Variants in MPPED1 observed in about 807,000 individuals in gnomAD.
MPPED1 encodes metallophosphoesterase domain containing 1, also known as metallophosphoesterase domain-containing protein 1.
Under a neutral mutation model 36.2 loss-of-function variants are expected in MPPED1, and 16 were observed. The ratio of observed to expected loss-of-function variants is 0.44; its 90% CI spans 0.30 to 0.67. The LOEUF (loss-of-function observed/expected upper bound fraction) is 0.67. MPPED1 is among the 30% of genes least tolerant of loss of function. The probability of loss-of-function intolerance (pLI) is 0.10; values close to 1 mark genes in which losing one functional copy is unlikely to be tolerated. For synonymous variants in MPPED1, 199 were observed against 191.3 expected (o/e 1.04, Z -0.33); for missense variants, 307 against 453.4 (o/e 0.68, Z 2.93).
intron 4 of MPPED1, 78 bp downstream of exon 4, chr22:43,475,039 G>C (rs1931500814): frequency 7.4e-7 from 1 of 1,345,320 alleles, no homozygotes; most frequent in Admixed American, 1.8e-5. Context: ...TAGGGGATGG[G>C]AGTAGCAGCA....
chr22:43,500,203 TGGAGGTGGTGGG>T (rs1932645669), intron 5 of MPPED1, among the ~76,000 whole-genome samples: 1 of 57,136 alleles, frequency 1.8e-5, no homozygotes. Flanking sequence ...GAGGTGGTAA[TGGAGGTGGTGGG>T]GGTGATGGTG....
At chr22:43,467,704 CT>C (rs1350887150) in intron 3 of MPPED1, among the ~76,000 whole-genome samples, 2 of 152,224 alleles carry the variant, frequency 1.3e-5, no homozygotes, top group African/African-American at 4.8e-5. Flanking sequence ...GTTATGCCGT[CT>C]CTTTATTCCA....
In MPPED1 at chr22:43,435,226, C is replaced by T. The variant is rs1419048289; in HGVS notation, c.406+11C>T. 1 of 1,601,272 alleles carries T rather than the reference C, an allele frequency of 6.2e-7. No individual in the cohort carries two copies. The highest frequency in any genetic ancestry group is 1.1e-5 in the South Asian group (1 of 90,876). ...TCAACGAGTGGCTGGGTAGGTCCCT[C>T]CTGCCCCGGGCGGGCGGCTGTGCTG... is the stretch of plus-strand genomic sequence containing the variant. On this transcript the variant is annotated intron_variant, in intron 3 of 6. Coordinates refer to ENST00000443721, the MANE Select transcript of MPPED1 (RefSeq NM_001044370.2).
chr22:43,440,705 T>G (rs139501464), intron 3 of MPPED1, among the ~76,000 whole-genome samples: 1 of 152,052 alleles, frequency 6.6e-6, no homozygotes, highest in Non-Finnish European at 1.5e-5. Context: ...CAGCCCTCAC[T>G]GCACCCTCCA....
At chr22:43,454,617 C>T (rs1930690192) in intron 3 of MPPED1, among the ~76,000 whole-genome samples, 1 of 152,164 alleles carries the variant, frequency 6.6e-6, no homozygotes, top group Non-Finnish European at 1.5e-5. Flanking sequence ...AGGGCTCTAT[C>T]ATGGTTCACT....
chr22:43,482,148 T>C (rs576876555), intron 4 of MPPED1, among the ~76,000 whole-genome samples: 1 of 152,252 alleles, frequency 6.6e-6, no homozygotes, highest in African/African-American at 2.4e-5. Flanking sequence ...CCCGTATACA[T>C]ACCGTATTCA....
At chr22:43,475,546 GA>G (rs1931527704) in intron 4 of MPPED1, among the ~76,000 whole-genome samples, 1 of 4,284 alleles carries the variant, frequency 2.3e-4, no homozygotes, top group African/African-American at 8.4e-4. Flanking sequence ...GTGGTGATGT[GA>G]TGGTGATGGT....
At chr22:43,436,562 G>A (rs1057170163) in intron 3 of MPPED1, among the ~76,000 whole-genome samples, 5 of 152,270 alleles carry the variant, frequency 3.3e-5, no homozygotes, top group African/African-American at 9.6e-5. Flanking sequence ...GTGCAGGCCG[G>A]GGGACAGGGC....
intron 3 of MPPED1, among the ~76,000 whole-genome samples, chr22:43,451,133 A>G (rs1057261279): frequency 6.6e-6 from 1 of 151,266 alleles, no homozygotes; most frequent in Non-Finnish European, 1.5e-5. Flanking sequence ...CAGCCTCCTG[A>G]GTAGCTGGGA....
In MPPED1 at chr22:43,474,607, A is replaced by G; in HGVS notation, c.407-129A>G. The G allele has an allele frequency of 6.5e-7, 1 of 1,540,310 alleles. No homozygotes were observed. Among genetic ancestry groups the G allele is most frequent in the Non-Finnish European group, 8.9e-7 (1 of 1,129,242 alleles). ...TGAGTACAAGATCGTGATCGCGGGCAACCACGAGCTGACCTTTGACCAGGA... is the reference window on the plus strand; with the variant it reads ...TGAGTACAAGATCGTGATCGCGGGCGACCACGAGCTGACCTTTGACCAGGA... On this transcript the variant is annotated intron_variant, in intron 3 of 6. Coordinates refer to ENST00000443721, the MANE Select transcript of MPPED1 (RefSeq NM_001044370.2). The surrounding 1 kb of genome is among the most constrained non-coding windows in gnomAD (Gnocchi z 5.2).
At chr22:43,449,313 A>G (rs1311036220) in intron 3 of MPPED1, among the ~76,000 whole-genome samples, 1 of 151,750 alleles carries the variant, frequency 6.6e-6, no homozygotes, top group Non-Finnish European at 1.5e-5. Context: ...AGATGAGGAG[A>G]CTGAGGCCCA....
intron 3 of MPPED1, among the ~76,000 whole-genome samples, chr22:43,454,453 TG>T (rs1416229017): frequency 2.0e-5 from 3 of 150,690 alleles, no homozygotes; most frequent in African/African-American, 7.4e-5. Context: ...TATAGGCATG[TG>T]CCACCATGCC....
intron 2 of MPPED1, among the ~76,000 whole-genome samples, chr22:43,426,549 C>A (rs918518429): frequency 6.6e-6 from 1 of 152,176 alleles, no homozygotes. Context: ...GCATCCCAGC[C>A]GCTGTCCCTC....
intron 4 of MPPED1, among the ~76,000 whole-genome samples, chr22:43,494,571 G>T (rs1459709079): frequency 6.6e-6 from 1 of 152,280 alleles, no homozygotes; most frequent in African/African-American, 2.4e-5. Context: ...AGACCTACAC[G>T]AATCCAGTAT....
chr22:43,463,114 G>A (rs1931012256), intron 3 of MPPED1, among the ~76,000 whole-genome samples: 1 of 151,690 alleles, frequency 6.6e-6, no homozygotes, highest in Admixed American at 6.6e-5. Flanking sequence ...CACTGCTGTT[G>A]GGATTTCTCA....
In MPPED1 at chr22:43,418,207, G is replaced by C. The variant is rs146581441; in HGVS notation, c.-79+6049G>C. ...CCAAACGAGAGCACTTTCGAGAGCCGGAGAGGATGCTGGTAATAGTGGCAC... is the reference window on the plus strand; with the variant it reads ...CCAAACGAGAGCACTTTCGAGAGCCCGAGAGGATGCTGGTAATAGTGGCAC... On this transcript the variant is annotated intron_variant, in intron 1 of 6. Coordinates refer to ENST00000443721, the MANE Select transcript of MPPED1 (RefSeq NM_001044370.2). 3,988 of 455,376 alleles carry C rather than the reference G, an allele frequency of 8.8e-3. 36 individuals carry two copies. The highest frequency in any genetic ancestry group is 0.012 in the Non-Finnish European group (2,760 of 226,340). 28.2% of individuals were successfully genotyped at this position (455,376 alleles called of 1,614,324 possible).
chr22:43,453,604 C>T (rs1382403959), intron 3 of MPPED1, among the ~76,000 whole-genome samples: 3 of 152,100 alleles, frequency 2.0e-5, no homozygotes, highest in Non-Finnish European at 4.4e-5. Flanking sequence ...CATCCCGAAA[C>T]CCCGTTGACT....
intron 4 of MPPED1, among the ~76,000 whole-genome samples, chr22:43,497,105 G>T (rs369899285): frequency 2.0e-5 from 3 of 150,556 alleles, no homozygotes; most frequent in Admixed American, 6.6e-5. Context: ...GGAGATGGTG[G>T]TGATGGAGGT....
intron 4 of MPPED1, among the ~76,000 whole-genome samples, chr22:43,475,555 G>A: frequency 7.0e-6 from 1 of 143,796 alleles, no homozygotes; most frequent in African/African-American, 2.6e-5. Flanking sequence ...TGATGGTGAT[G>A]GTGGTGATGA....
Sources: allele counts gnomAD v4.1 joint callset (sites outside exome capture counted in the v4.1 genomes callset), GRCh38; gene constraint gnomAD v4.1.1; non-coding constraint Gnocchi (gnomAD v3.1); transcripts MANE v1.5; gene names NCBI Gene and HGNC (gene_info 2026-07-23, HGNC 2026-07-21).